Variants in RAB40A observed in about 807,000 individuals in gnomAD.
RAB40A encodes the protein ras-related protein Rab-40A.
For missense variants in RAB40A, 145 were observed against 230.2 expected, an observed-to-expected ratio of 0.63 and a Z score of 2.40; for synonymous variants, 65 against 99.9, an observed-to-expected ratio of 0.65 and a Z score of 2.08.
chrX:103,507,508 G>A (rs935956258), intron 2 of RAB40A, among the ~76,000 whole-genome samples: 2 of 110,640 alleles, frequency 1.8e-5, no homozygotes, highest in African/African-American at 3.3e-5. Flanking sequence ...AAACACCTGC[G>A]GAGTAGATAC....
rs776936250 is a variant in RAB40A at position 103,500,115 on chromosome X, G to A, written c.642C>T (p.Leu214=). 6 of 1,210,666 alleles carry A rather than the reference G, an allele frequency of 5.0e-6. No homozygotes were observed. The Admixed American group carries it at 1.3e-4, about 26-fold the overall frequency. Residue 214 remains leucine (L), a synonymous_variant, in exon 3 of 3, where the codon CTC becomes CTT. Coordinates refer to ENST00000304236, the MANE Select transcript of RAB40A (RefSeq NM_080879.3). ...TPVHLVDKLP[L]PSTLRSHLKS... is the part of the protein sequence containing the mutation. ...TGAGGTGGCTTCTTAAGGTACTGGG[G>A]AGCGGGAGCTTGTCCACCAGATGCA...
downstream of RAB40A, among the ~76,000 whole-genome samples, chrX:103,498,690 G>A (rs1238398553): frequency 8.9e-6 from 1 of 112,205 alleles, no homozygotes; most frequent in African/African-American, 3.2e-5. Flanking sequence ...GGAAGGGTGA[G>A]TCCCCACAGC....
Position 103,500,241 on chromosome X carries a change from C to T in RAB40A, c.516G>A (p.Arg172=). The change falls in exon 3 of 3, where the codon AGG becomes AGA. Residue 172 remains arginine (R), a synonymous_variant. Coordinates refer to ENST00000304236, the MANE Select transcript of RAB40A (RefSeq NM_080879.3). ...NIIESFTELA[R]IVLLRHRMNW... is the part of the protein sequence containing the mutation. ...TCATCCTGTGCCGCAGCAGCACTATCCTGGCCAGCTCCGTGAAAGACTCTA... is the reference window on the plus strand; with the variant it reads ...TCATCCTGTGCCGCAGCAGCACTATTCTGGCCAGCTCCGTGAAAGACTCTA... The T allele has an allele frequency of 8.3e-7, 1 of 1,211,777 alleles. No homozygotes were observed. Among genetic ancestry groups the T allele is most frequent in the East Asian group, 3.0e-5 (1 of 33,835 alleles).
chrX:103,505,606 A>T (rs1027982679), intron 2 of RAB40A, among the ~76,000 whole-genome samples: 1 of 111,126 alleles, frequency 9.0e-6, no homozygotes, highest in Non-Finnish European at 1.9e-5. Context: ...GTCGTATGGG[A>T]TTCTTATATT....
downstream of RAB40A, among the ~76,000 whole-genome samples, chrX:103,495,071 C>T (rs756674545): frequency 1.3e-4 from 14 of 111,574 alleles, no homozygotes; most frequent in Admixed American, 8.6e-4. Context: ...CATTTTTTGG[C>T]GTCATCTTCA....
In RAB40A at chrX:103,500,802, G is replaced by A. The variant is rs764150832; in HGVS notation, c.-46C>T. On this transcript the variant is annotated 5_prime_UTR_variant, in exon 3 of 3. Coordinates refer to ENST00000304236, the MANE Select transcript of RAB40A (RefSeq NM_080879.3). ...GCCTGAGCCAGGCCCGCGGGGTTGT[G>A]CGCAGAGGTGGTGCCGGGCCTGTTC... 1 of 1,177,925 alleles carries A rather than the reference G, an allele frequency of 8.5e-7. No individual in the cohort carries two copies. Among genetic ancestry groups the A allele is most frequent in the Non-Finnish European group, 1.1e-6 (1 of 879,591 alleles).
downstream of RAB40A, among the ~76,000 whole-genome samples, chrX:103,496,324 C>T (rs753848944): frequency 1.8e-5 from 2 of 112,268 alleles, no homozygotes; most frequent in East Asian, 5.6e-4. Flanking sequence ...ATCATGTACA[C>T]TTATCATATA....
chrX:103,500,259 A>G lies in RAB40A; in HGVS notation c.498T>C (p.Ser166=), dbSNP rs1282105607. 3 of 1,211,868 alleles carry G rather than the reference A, an allele frequency of 2.5e-6. No homozygotes were observed. Among genetic ancestry groups the G allele is most frequent in the East Asian group, 3.0e-5 (1 of 33,834 alleles). The change falls in exon 3 of 3, where the codon TCT becomes TCC. Residue 166 remains serine (S), a synonymous_variant. Coordinates refer to ENST00000304236, the MANE Select transcript of RAB40A (RefSeq NM_080879.3). The stretch of plus-strand genomic sequence containing the variant: ...GCACTATCCTGGCCAGCTCCGTGAA[A>G]GACTCTATGATGTTGAAATTGCACA... ...SPLCNFNIIE[S]FTELARIVLL... is the part of the protein sequence containing the mutation.
chrX:103,502,640 T>G (rs966092289), intron 2 of RAB40A: 45 of 674,176 alleles, frequency 6.7e-5, no homozygotes, highest in Non-Finnish European at 7.9e-5. Context: ...GGGGCCACAA[T>G]AGCAGGGGAG....
the RAB40A span, among the ~76,000 whole-genome samples, chrX:103,493,682 A>G: frequency 8.9e-6 from 1 of 111,930 alleles, no homozygotes; most frequent in Non-Finnish European, 1.9e-5. Flanking sequence ...AGAACATGCA[A>G]TGTTTGTCTT....
chrX:103,496,213 G>A (rs780390111), downstream of RAB40A, among the ~76,000 whole-genome samples: 117 of 111,994 alleles, frequency 1.0e-3, no homozygotes, highest in Non-Finnish European at 1.9e-3. Context: ...ATGAACTGAG[G>A]GTTAGCCACA....
chrX:103,499,734 T>A lies in RAB40A; in HGVS notation c.*189A>T. On this transcript the variant is annotated 3_prime_UTR_variant, in exon 3 of 3. Coordinates refer to ENST00000304236, the MANE Select transcript of RAB40A (RefSeq NM_080879.3). ...AACAAGAGCTTCATGCACATCCAAA[T>A]AGAAATTCAAAGTCAAACTGTGTAA... 1 of 508,190 alleles carries A rather than the reference T, an allele frequency of 2.0e-6. No individual in the cohort carries two copies. The highest frequency in any genetic ancestry group is 3.4e-6 in the Non-Finnish European group (1 of 298,113). 41.9% of individuals were successfully genotyped at this position (508,190 alleles called of 1,213,427 possible). A position where few individuals can be genotyped will look rare whatever the true frequency, so the allele number is the denominator to read the frequency against.
chrX:103,512,846 G>GT (rs1205101203), intron 2 of RAB40A, among the ~76,000 whole-genome samples: 3 of 111,446 alleles, frequency 2.7e-5, no homozygotes, highest in Non-Finnish European at 3.8e-5. Flanking sequence ...AAATTTTAAG[G>GT]TTTTTTAAAG....
chrX:103,500,947 T>A, intron 2 of RAB40A, 121 bp from the exon 3 acceptor site: 3 of 831,405 alleles, frequency 3.6e-6, no homozygotes, highest in Non-Finnish European at 5.0e-6. Flanking sequence ...GATTCAGCGA[T>A]TGTTTTCCTT....
At chrX:103,508,421 C>A (rs2073268351) in intron 2 of RAB40A, among the ~76,000 whole-genome samples, 1 of 111,808 alleles carries the variant, frequency 8.9e-6, no homozygotes, top group South Asian at 3.8e-4. Context: ...ATGGGACTGA[C>A]CATACCATTC....
chrX:103,514,927 C>G lies in RAB40A; in HGVS notation c.-71+2447G>C, dbSNP rs1390206965. On this transcript the variant is annotated intron_variant, in intron 2 of 2. Transcript: ENST00000304236. ...GTTTGTATATTACCCCCATTATACT[C>G]TGTATGTATGCATCATAATGTACAT... Among the ~76,000 whole-genome samples, 12 of 111,901 alleles carry G rather than the reference C, an allele frequency of 1.1e-4. No individual in the cohort carries two copies. In the Admixed American group the frequency reaches 1.1e-3, roughly 11 times the overall value.
chrX:103,513,113 C>T (rs779251307), intron 2 of RAB40A, among the ~76,000 whole-genome samples: 22 of 111,986 alleles, frequency 2.0e-4, no homozygotes, highest in Non-Finnish European at 4.1e-4. Flanking sequence ...AGGGCAAGCA[C>T]GTCTCTCAGA....
chrX:103,503,080 T>G, intron 2 of RAB40A: 1 of 751,576 alleles, frequency 1.3e-6, no homozygotes, highest in Non-Finnish European at 1.6e-6. Context: ...GTTCTCTACA[T>G]TCTTGGATGT....
In RAB40A at chrX:103,500,793, C is replaced by T. The variant is rs1345440898; in HGVS notation, c.-37G>A. 8 of 1,189,413 alleles carry T rather than the reference C, an allele frequency of 6.7e-6. No individual in the cohort carries two copies. In the East Asian group the frequency reaches 8.9e-5, roughly 13 times the overall value. On this transcript the variant is annotated 5_prime_UTR_variant, in exon 3 of 3. Coordinates refer to ENST00000304236, the MANE Select transcript of RAB40A (RefSeq NM_080879.3). ...CGCACTCCCGCCTGAGCCAGGCCCG[C>T]GGGGTTGTGCGCAGAGGTGGTGCCG...
Sources: gnomAD v4.1 joint callset for allele counts (sites outside exome capture counted in the v4.1 genomes callset) on GRCh38, gnomAD v4.1.1 for gene constraint, MANE v1.5 for transcripts, NCBI Gene and HGNC (gene_info 2026-07-23, HGNC 2026-07-21) for gene names.